The following HERC3 variants were observed in gnomAD, a reference collection of about 807,000 sequenced individuals.
HERC3 encodes the protein HECT and RLD domain containing E3 ubiquitin protein ligase 3.
Under a neutral mutation model 129.9 loss-of-function variants are expected in HERC3, and 58 were observed. The observed-to-expected ratio is 0.45, with a 90% CI of 0.36 to 0.56. The LOEUF is 0.56. Among genes scored for constraint, HERC3 ranks in the 20% least tolerant of loss-of-function variants. The probability of loss-of-function intolerance (pLI) is 0.00; values close to 1 mark genes in which losing one functional copy is unlikely to be tolerated. For synonymous variants in HERC3, 430 were observed against 451.0 expected, an observed-to-expected ratio of 0.95 and a Z score of 0.59; for missense variants, 835 against 1,244.2, an observed-to-expected ratio of 0.67 and a Z score of 4.95.
chr4:88,665,524 G>A (rs1157814254), intron 12 of HERC3, among the ~76,000 whole-genome samples: 4 of 152,158 alleles, frequency 2.6e-5, no homozygotes, highest in Non-Finnish European at 5.9e-5. Flanking sequence ...CTGACTGGGC[G>A]GTGCCTACCC....
At chr4:88,654,360 A>G (rs1357870867) in intron 7 of HERC3, among the ~76,000 whole-genome samples, 4 of 66,278 alleles carry the variant, frequency 6.0e-5, no homozygotes, top group African/African-American at 4.7e-4. Context: ...ATATATATAT[A>G]TATATATATA....
chr4:88,654,387 T>TACACAC (rs1553937176), intron 7 of HERC3, among the ~76,000 whole-genome samples: 29 of 94,308 alleles, frequency 3.1e-4, no homozygotes, highest in Admixed American at 1.8e-3. Flanking sequence ...TATATATATA[T>TACACAC]ACACACACAC....
At position 88,605,970 on chromosome 4, in the gene HERC3, G is replaced by T; in HGVS notation, c.147G>T (p.Leu49=). The part of the protein sequence containing the change: ...VACGGNHSVF[L]LEDGEVYTCG... ...GTGGGGGAAACCACTCTGTGTTCCT[G>T]CTGGAAGATGGGGAAGTTTACACAT... The change falls in exon 3 of 26, where the codon CTG becomes CTT. Residue 49 remains leucine (L), a synonymous_variant. Coordinates refer to ENST00000402738, the MANE Select transcript of HERC3 (RefSeq NM_014606.3). 6.2e-7 allele frequency: 1 copy of T among 1,614,164 alleles called. No individual in the cohort carries two copies. Among genetic ancestry groups the T allele is most frequent in the African/African-American group, 1.3e-5 (1 of 75,030 alleles).
At chr4:88,690,050 C>T (rs934550033) in intron 23 of HERC3, 1 of 985,214 alleles carries the variant, frequency 1.0e-6, no homozygotes. Flanking sequence ...CACCCAGACA[C>T]CCAACAAAAC....
the HERC3 span, among the ~76,000 whole-genome samples, chr4:88,525,216 C>T: frequency 1.3e-5 from 2 of 152,148 alleles, no homozygotes; most frequent in South Asian, 2.1e-4. Flanking sequence ...CATAACTTTC[C>T]GTTATTAGAG....
chr4:88,533,117 G>A, the HERC3 span, among the ~76,000 whole-genome samples: 1 of 152,224 alleles, frequency 6.6e-6, no homozygotes, highest in South Asian at 2.1e-4. Context: ...GCGATCCACT[G>A]ATGTATGTCC....
chr4:88,683,481 G>C (rs1210934706), intron 21 of HERC3, among the ~76,000 whole-genome samples: 1 of 151,172 alleles, frequency 6.6e-6, no homozygotes, highest in African/African-American at 2.4e-5. Flanking sequence ...GAAAAGGCTA[G>C]AGAGCAACAG....
At chr4:88,548,723 C>A in the HERC3 span, among the ~76,000 whole-genome samples, 131 of 151,266 alleles carry the variant, frequency 8.7e-4, 1 homozygote, top group Middle Eastern at 0.01. Context: ...GGCAGTGGCA[C>A]CATCTCGGCT....
the HERC3 span, among the ~76,000 whole-genome samples, chr4:88,532,305 G>A: frequency 6.6e-6 from 1 of 152,182 alleles, no homozygotes; most frequent in Non-Finnish European, 1.5e-5. Flanking sequence ...GAGAAAGCTG[G>A]TGATATAACT....
At chr4:88,621,322 G>T (rs546572713) in intron 3 of HERC3, among the ~76,000 whole-genome samples, 21 of 152,272 alleles carry the variant, frequency 1.4e-4, no homozygotes, top group Non-Finnish European at 2.1e-4. Flanking sequence ...GGCCAGGCTG[G>T]TCTCAAACTC....
At chr4:88,674,641 A>G (rs1731968449) in intron 16 of HERC3, among the ~76,000 whole-genome samples, 1 of 152,206 alleles carries the variant, frequency 6.6e-6, no homozygotes, top group Non-Finnish European at 1.5e-5. Context: ...TACCTAGACT[A>G]GAAGATGACT....
intron 3 of HERC3, among the ~76,000 whole-genome samples, chr4:88,638,846 C>T (rs1270229032): frequency 1.3e-5 from 2 of 152,176 alleles, no homozygotes; most frequent in Non-Finnish European, 2.9e-5. Context: ...AAAACGCCAT[C>T]ATCTCAGCCC....
intron 2 of HERC3, chr4:88,598,074 T>C (rs1722586138): frequency 6.6e-6 from 1 of 152,210 alleles, no homozygotes; most frequent in African/African-American, 2.4e-5. Context: ...CCTCTTCATA[T>C]ATACAACATT....
intron 23 of HERC3, among the ~76,000 whole-genome samples, chr4:88,698,963 TTCC>T (rs1371560491): frequency 1.0e-5 from 1 of 98,742 alleles, no homozygotes; most frequent in Non-Finnish European, 1.8e-5. Context: ...CACTGCCTTC[TTCC>T]TCACCTTCCC....
At chr4:88,634,991 T>C (rs1275398735) in intron 3 of HERC3, among the ~76,000 whole-genome samples, 3 of 152,048 alleles carry the variant, frequency 2.0e-5, no homozygotes, top group Non-Finnish European at 2.9e-5. Context: ...CAAAAATCCT[T>C]ATCCAAGGGT....
chr4:88,678,756 A>T (rs10516820), intron 19 of HERC3, among the ~76,000 whole-genome samples: 2,577 of 152,274 alleles, frequency 0.017, 83 homozygotes, highest in African/African-American at 0.059. Flanking sequence ...TAATCTTGTT[A>T]TGAGTTCCAC....
At chr4:88,690,744 GTTCTCT>G (rs1334318710) in intron 23 of HERC3, 1 of 390,390 alleles carries the variant, frequency 2.6e-6, no homozygotes. Context: ...TGTCTTTTTT[GTTCTCT>G]TTCTGAGTCT....
chr4:88,542,818 C>G, the HERC3 span, among the ~76,000 whole-genome samples: 1 of 152,178 alleles, frequency 6.6e-6, no homozygotes, highest in African/African-American at 2.4e-5. Context: ...AGCACATAAA[C>G]AGAACAAACG....
intron 3 of HERC3, among the ~76,000 whole-genome samples, chr4:88,608,159 A>G (rs1431214943): frequency 1.3e-5 from 2 of 152,104 alleles, no homozygotes; most frequent in Non-Finnish European, 2.9e-5. Context: ...TCCCTGCCCA[A>G]AATGTCAGTG....
Sources: allele counts gnomAD v4.1 joint callset (sites outside exome capture counted in the v4.1 genomes callset), GRCh38; gene constraint gnomAD v4.1.1; transcripts MANE v1.5; gene names NCBI Gene and HGNC (gene_info 2026-07-23, HGNC 2026-07-21).